Variants in SAMSN1 observed in about 807,000 individuals in gnomAD.
The protein encoded by SAMSN1 is SAM domain-containing protein SAMSN-1.
In SAMSN1, 31 loss-of-function variants were observed where a neutral mutation model predicts 42.0. The observed-to-expected ratio is 0.74, with a 90% CI of 0.55 to 1.00. SAMSN1 has a LOEUF of 1.00. Ranked by LOEUF, SAMSN1 falls within the 50% of genes least tolerant of loss-of-function variation. The pLI is 0.00. For missense variants in SAMSN1, 464 were observed against 439.4 expected (o/e 1.06, Z -0.50); for synonymous variants, 178 against 151.9 (o/e 1.17, Z -1.26).
intron 5 of SAMSN1, among the ~76,000 whole-genome samples, chr21:14,504,124 T>G (rs2123700381): frequency 6.6e-6 from 1 of 152,154 alleles, no homozygotes; most frequent in African/African-American, 2.4e-5. Context: ...TCCTAGACCT[T>G]CCCTCTGACA....
chr21:14,585,424 G>C (rs1400268111), upstream of SAMSN1: 3 of 152,092 alleles, frequency 2.0e-5, no homozygotes, highest in African/African-American at 7.2e-5. Context: ...CTCCCTTTGT[G>C]AAAAAGGCTT....
chr21:14,657,319 A>T (rs539607631), intron 1 of SAMSN1, among the ~76,000 whole-genome samples: 8 of 151,938 alleles, frequency 5.3e-5, no homozygotes, highest in Non-Finnish European at 1.2e-4. Flanking sequence ...TGAACAAGTA[A>T]CTTCTTAAGG....
intron 2 of SAMSN1, among the ~76,000 whole-genome samples, chr21:14,631,649 G>C (rs917462853): frequency 6.6e-6 from 1 of 152,188 alleles, no homozygotes; most frequent in African/African-American, 2.4e-5. Context: ...ACAGGCGTAA[G>C]CCACCATGCC....
At chr21:14,604,694 G>A (rs1959620907) in intron 5 of SAMSN1, among the ~76,000 whole-genome samples, 1 of 152,232 alleles carries the variant, frequency 6.6e-6, no homozygotes, top group Non-Finnish European at 1.5e-5. Context: ...CCAACCCTGA[G>A]GCTGGGAGAA....
intron 5 of SAMSN1, among the ~76,000 whole-genome samples, chr21:14,605,855 T>TA (rs1418601211): frequency 8.1e-5 from 12 of 149,008 alleles, no homozygotes; most frequent in South Asian, 2.1e-4. Context: ...TTTATTTATT[T>TA]TTTTGAGATG....
intron 4 of SAMSN1, chr21:14,612,499 T>TTA: frequency 2.7e-6 from 1 of 372,484 alleles, no homozygotes; most frequent in Non-Finnish European, 5.5e-6. Flanking sequence ...ACTTTTATAA[T>TTA]GAAACCACTT....
rs145629962 is a variant in SAMSN1, at chr21:14,533,194, G to A, written c.58-11973C>T. 7.4e-3 allele frequency among the ~76,000 whole-genome samples: 1,127 copies of A among 152,130 alleles called. 42 individuals carry two copies. The highest frequency in any genetic ancestry group is 0.066 in the Admixed American group (1,007 of 15,282). On this transcript the variant is annotated intron_variant, in intron 1 of 7. Transcript: ENST00000400566. ...AGCCTCCCAAAGCATTGGGATTACA[G>A]GTGTGAGCCACCATGCCCAGCCACT...
intron 3 of SAMSN1, chr21:14,615,907 C>A: frequency 2.4e-6 from 1 of 422,440 alleles, no homozygotes; most frequent in South Asian, 5.0e-5. Context: ...GCACGAAGTC[C>A]ACTAAAAATT....
chr21:14,536,678 G>T (rs976716985), intron 1 of SAMSN1, among the ~76,000 whole-genome samples: 1 of 151,966 alleles, frequency 6.6e-6, no homozygotes, highest in Non-Finnish European at 1.5e-5. Context: ...AAAATTATAT[G>T]TTTAAGAAAG....
intron 1 of SAMSN1, among the ~76,000 whole-genome samples, chr21:14,533,422 T>TA (rs1979394543): frequency 6.6e-6 from 1 of 152,182 alleles, no homozygotes; most frequent in South Asian, 2.1e-4. Context: ...AAAAATATAA[T>TA]AAAGAAACTT....
At chr21:14,526,807 C>T (rs954636858) in intron 1 of SAMSN1, among the ~76,000 whole-genome samples, 18 of 152,096 alleles carry the variant, frequency 1.2e-4, no homozygotes, top group African/African-American at 4.3e-4. Context: ...ACTCGGTTTC[C>T]TAGAATACTG....
chr21:14,650,056 A>T (rs1205587556), intron 1 of SAMSN1, among the ~76,000 whole-genome samples: 1 of 152,158 alleles, frequency 6.6e-6, no homozygotes, highest in East Asian at 1.9e-4. Flanking sequence ...AAACATTTTT[A>T]GAGATAAAGA....
intron 7 of SAMSN1, among the ~76,000 whole-genome samples, chr21:14,588,991 T>C (rs1385420468): frequency 6.6e-6 from 1 of 152,194 alleles, no homozygotes; most frequent in Non-Finnish European, 1.5e-5. Context: ...ATATACTATG[T>C]ATTTCATATA....
chr21:14,491,425 C>T (rs920727115), intron 7 of SAMSN1, among the ~76,000 whole-genome samples: 2 of 152,134 alleles, frequency 1.3e-5, no homozygotes, highest in African/African-American at 2.4e-5. Flanking sequence ...CCTTCTGCTT[C>T]TTAAAAGCAG....
In SAMSN1 at chr21:14,601,357, C is replaced by G. The variant is rs144645308; in HGVS notation, c.399+666G>C. Among the ~76,000 whole-genome samples the G allele has an allele frequency of 6.4e-3, 969 of 152,274 alleles. 7 individuals are homozygous for G. The highest frequency in any genetic ancestry group is 0.014 in the Middle Eastern group (4 of 294). On this transcript the variant is annotated intron_variant, in intron 6 of 15. Coordinates refer to the SAMSN1 transcript ENST00000647101. ...GCTGGATTTAGGAATGTGAGCCCCC[C>G]CTTCCTCACCAAATCAGCACTTTAT...
chr21:14,543,288 CA>C (rs1980160083), intron 1 of SAMSN1, among the ~76,000 whole-genome samples: 1 of 151,836 alleles, frequency 6.6e-6, no homozygotes, highest in South Asian at 2.1e-4. Flanking sequence ...TTGAGCTATT[CA>C]AAGGAGAGAA....
At chr21:14,514,038 A>C (rs940150310) in intron 3 of SAMSN1, among the ~76,000 whole-genome samples, 2 of 152,174 alleles carry the variant, frequency 1.3e-5, no homozygotes, top group Non-Finnish European at 2.9e-5. Context: ...CTCCATTTGC[A>C]CTAAAGCCAT....
chr21:14,586,970 A>C (rs1200462549), upstream of SAMSN1, among the ~76,000 whole-genome samples: 1 of 152,336 alleles, frequency 6.6e-6, no homozygotes, highest in Non-Finnish European at 1.5e-5. Context: ...AAAGAAAGGA[A>C]GAGTACCAAG....
At chr21:14,498,170 A>G (rs1362613214) in intron 7 of SAMSN1, among the ~76,000 whole-genome samples, 1 of 152,242 alleles carries the variant, frequency 6.6e-6, no homozygotes, top group Non-Finnish European at 1.5e-5. Flanking sequence ...GCAGGCATCC[A>G]CTTGCATGTA....
Sources: allele counts gnomAD v4.1 joint callset (sites outside exome capture counted in the v4.1 genomes callset), GRCh38; gene constraint gnomAD v4.1.1; transcripts MANE v1.5; gene names NCBI Gene and HGNC (gene_info 2026-07-23, HGNC 2026-07-21).